The following SPMAP2L variants were observed in gnomAD, a reference collection of about 807,000 sequenced individuals.
SPMAP2L encodes sperm microtubule associated protein 2-like.
At chr4:56,587,680 C>G in the SPMAP2L span, among the ~76,000 whole-genome samples, 1 of 152,136 alleles carries the variant, frequency 6.6e-6, no homozygotes, top group Non-Finnish European at 1.5e-5. Flanking sequence ...AGTATTCCAT[C>G]CTATACATTT....
At chr4:56,611,919 C>G in the SPMAP2L span, among the ~76,000 whole-genome samples, 1 of 152,212 alleles carries the variant, frequency 6.6e-6, no homozygotes. Context: ...TCCCCACACC[C>G]CTGCTGCTGT....
chr4:56,566,927 C>A, the SPMAP2L span, among the ~76,000 whole-genome samples: 1 of 151,750 alleles, frequency 6.6e-6, no homozygotes, highest in South Asian at 2.1e-4. Context: ...AGACTCCCAA[C>A]CTCGTGATCC....
the SPMAP2L span, among the ~76,000 whole-genome samples, chr4:56,582,293 C>T: frequency 6.6e-6 from 1 of 152,036 alleles, no homozygotes; most frequent in Non-Finnish European, 1.5e-5. Flanking sequence ...TATTGAAAAT[C>T]ATATATCTGA....
chr4:56,606,009 CCCTCCCCTT>C, the SPMAP2L span, among the ~76,000 whole-genome samples: 1 of 152,064 alleles, frequency 6.6e-6, no homozygotes, highest in African/African-American at 2.4e-5. Flanking sequence ...ATTTGAGTCC[CCCTCCCCTT>C]CCTAAACCTA....
At chr4:56,556,515 C>G in the SPMAP2L span, among the ~76,000 whole-genome samples, 1 of 152,128 alleles carries the variant, frequency 6.6e-6, no homozygotes, top group Non-Finnish European at 1.5e-5. Flanking sequence ...ATTTGGCAGT[C>G]AGGAGACTAC....
the SPMAP2L span, among the ~76,000 whole-genome samples, chr4:56,535,107 T>C: frequency 6.6e-6 from 1 of 152,230 alleles, no homozygotes; most frequent in Non-Finnish European, 1.5e-5. Context: ...CCTGTTTTTC[T>C]CTTACACTCA....
At chr4:56,536,751 G>A in the SPMAP2L span, among the ~76,000 whole-genome samples, 9 of 152,048 alleles carry the variant, frequency 5.9e-5, no homozygotes, top group African/African-American at 2.2e-4. Context: ...TAGTAGTAGT[G>A]TTGTAGTGTT....
the SPMAP2L span, chr4:56,601,223 C>A: frequency 1.9e-6 from 2 of 1,045,528 alleles, no homozygotes; most frequent in Non-Finnish European, 2.7e-6. Context: ...AAAGAACTTC[C>A]AAAACATCTT....
At chr4:56,616,674 T>A in the SPMAP2L span, among the ~76,000 whole-genome samples, 1 of 152,226 alleles carries the variant, frequency 6.6e-6, no homozygotes, top group African/African-American at 2.4e-5. Flanking sequence ...GCCAGGGCTG[T>A]AGACCGTAGT....
the SPMAP2L span, among the ~76,000 whole-genome samples, chr4:56,549,130 G>A: frequency 4.0e-5 from 6 of 151,504 alleles, no homozygotes; most frequent in African/African-American, 7.3e-5. Flanking sequence ...CTGGGATTAC[G>A]GGCATGTGCC....
At chr4:56,617,273 C>T in the SPMAP2L span, among the ~76,000 whole-genome samples, 1 of 152,280 alleles carries the variant, frequency 6.6e-6, no homozygotes, top group South Asian at 2.1e-4. Flanking sequence ...TGTAGCTAAA[C>T]ATAGAAAAGG....
chr4:56,553,940 C>T, the SPMAP2L span, among the ~76,000 whole-genome samples: 21 of 151,904 alleles, frequency 1.4e-4, no homozygotes, highest in Middle Eastern at 6.8e-3. Flanking sequence ...CTGTACAGTA[C>T]GTAATCTCTC....
chr4:56,536,759 G>GTTA, the SPMAP2L span, among the ~76,000 whole-genome samples: 2 of 152,110 alleles, frequency 1.3e-5, no homozygotes, highest in East Asian at 1.9e-4. Context: ...GTGTTGTAGT[G>GTTA]TTATTATTAT....
the SPMAP2L span, among the ~76,000 whole-genome samples, chr4:56,533,586 T>C: frequency 2.0e-5 from 3 of 152,104 alleles, no homozygotes; most frequent in Non-Finnish European, 4.4e-5. Context: ...TCTTTGCTCC[T>C]AAAATTAGCC....
At chr4:56,600,175 G>A in the SPMAP2L span, among the ~76,000 whole-genome samples, 1 of 143,956 alleles carries the variant, frequency 6.9e-6, no homozygotes, top group Non-Finnish European at 1.5e-5. Flanking sequence ...GAACTCCTGG[G>A]CTCAAATGAT....
the SPMAP2L span, among the ~76,000 whole-genome samples, chr4:56,566,701 T>TTTTTCTTTTTC: frequency 3.0e-5 from 4 of 132,654 alleles, no homozygotes; most frequent in Non-Finnish European, 4.8e-5. Context: ...TTTTCTTTTT[T>TTTTTCTTTTTC]TTTTTTTTTT....
At chr4:56,566,782 C>T in the SPMAP2L span, among the ~76,000 whole-genome samples, 2,765 of 147,094 alleles carry the variant, frequency 0.019, 41 homozygotes, top group Non-Finnish European at 0.026. Context: ...CTGCAACCTC[C>T]GCCTCCCGGG....
chr4:56,609,535 T>C, the SPMAP2L span, among the ~76,000 whole-genome samples: 10 of 152,204 alleles, frequency 6.6e-5, no homozygotes, highest in African/African-American at 2.4e-4. Flanking sequence ...GAATGTATTT[T>C]GTAAGTGAGA....
At chr4:56,536,593 G>C in the SPMAP2L span, among the ~76,000 whole-genome samples, 7 of 152,168 alleles carry the variant, frequency 4.6e-5, no homozygotes, top group African/African-American at 1.7e-4. Flanking sequence ...TTGAATGAAA[G>C]ATCTCTTCAT....
Sources: allele counts gnomAD v4.1 joint callset (sites outside exome capture counted in the v4.1 genomes callset), GRCh38; gene constraint gnomAD v4.1.1; transcripts MANE v1.5; gene names NCBI Gene and HGNC (gene_info 2026-07-23, HGNC 2026-07-21).